SLC9A9: variants seen among roughly 807,000 people sequenced by gnomAD.
SLC9A9 encodes the protein solute carrier family 9 member A9, also known as sodium/hydrogen exchanger 9.
In SLC9A9, 62 loss-of-function variants were observed where a neutral mutation model predicts 77.8. That is an observed-to-expected ratio of 0.80 (90% CI 0.65 to 0.98). The LOEUF is 0.98. SLC9A9 is among the 50% of genes least tolerant of loss of function. The pLI is 0.00. For missense variants in SLC9A9, 775 were observed against 774.9 expected, an observed-to-expected ratio of 1.00 and a Z score of 0.00; for synonymous variants, 320 against 283.5, an observed-to-expected ratio of 1.13 and a Z score of -1.29.
intron 2 of SLC9A9, among the ~76,000 whole-genome samples, chr3:143,819,559 T>A (rs2009115240): frequency 6.6e-6 from 1 of 152,146 alleles, no homozygotes; most frequent in Non-Finnish European, 1.5e-5. Flanking sequence ...GGGTCATATT[T>A]GTTTGTCTTA....
At chr3:143,588,710 A>C (rs1376990578) in intron 6 of SLC9A9, among the ~76,000 whole-genome samples, 1 of 152,220 alleles carries the variant, frequency 6.6e-6, no homozygotes, top group Non-Finnish European at 1.5e-5. Context: ...ATTGAGAGGA[A>C]AGTGAATTTG....
In SLC9A9 at chr3:143,785,845, CTTTTTTTTTTT is replaced by C. The variant is rs57552730; in HGVS notation, c.533+9145_533+9155del. Among the ~76,000 whole-genome samples, 10 of 113,006 alleles carry C rather than the reference CTTTTTTTTTTT, an allele frequency of 8.8e-5. 1 individual carries two copies. The highest frequency in any genetic ancestry group is 8.1e-4 in the South Asian group (3 of 3,704). The allele number at this position is 113,006 out of a possible 152,430, so 74.1% of individuals were successfully genotyped here. ...GAGTAATTCTAAGACTTGAATTTTTCTTTTTTTTTTTTTTTTTTTTTTTTTTTTTGAGACGG... is the reference window on the plus strand; with the variant it reads ...GAGTAATTCTAAGACTTGAATTTTTCTTTTTTTTTTTTTTTTTTGAGACGG... On this transcript the variant is annotated intron_variant, in intron 4 of 15. Transcript: ENST00000316549.
intron 13 of SLC9A9, among the ~76,000 whole-genome samples, chr3:143,381,603 T>A (rs577236319): frequency 1.3e-5 from 2 of 152,222 alleles, no homozygotes; most frequent in Non-Finnish European, 2.9e-5. Context: ...TGTTGCTCAA[T>A]TAAGTCAAAG....
chr3:143,359,869 C>G (rs1222855195), intron 14 of SLC9A9, among the ~76,000 whole-genome samples: 1 of 152,122 alleles, frequency 6.6e-6, no homozygotes, highest in South Asian at 2.1e-4. Flanking sequence ...GTCGGGGATT[C>G]CTTCATGGTG....
chr3:143,774,869 C>T (rs949703510), intron 4 of SLC9A9, among the ~76,000 whole-genome samples: 1 of 152,176 alleles, frequency 6.6e-6, no homozygotes. Context: ...CTGTCTGCTT[C>T]GCCTCAACTG....
At chr3:143,489,087 C>A (rs1447508226) in intron 11 of SLC9A9, among the ~76,000 whole-genome samples, 3 of 151,860 alleles carry the variant, frequency 2.0e-5, no homozygotes, top group Non-Finnish European at 4.4e-5. Context: ...TTTTTATACA[C>A]TCACAGTGAA....
intron 14 of SLC9A9, among the ~76,000 whole-genome samples, chr3:143,319,352 G>A (rs1247325452): frequency 1.3e-5 from 2 of 152,186 alleles, no homozygotes; most frequent in African/African-American, 2.4e-5. Context: ...GCTGCCTCAT[G>A]TTTTCTATCT....
At chr3:143,375,546 A>C (rs1160326163) in intron 13 of SLC9A9, among the ~76,000 whole-genome samples, 1 of 152,204 alleles carries the variant, frequency 6.6e-6, no homozygotes, top group East Asian at 1.9e-4. Flanking sequence ...CCCTGGTCCC[A>C]GATGAGATGA....
At chr3:143,278,741 G>A (rs1938126382) in intron 14 of SLC9A9, among the ~76,000 whole-genome samples, 1 of 152,176 alleles carries the variant, frequency 6.6e-6, no homozygotes, top group Admixed American at 6.5e-5. Flanking sequence ...TGCAAATAAG[G>A]TTGCATTTGA....
intron 12 of SLC9A9, among the ~76,000 whole-genome samples, chr3:143,407,462 C>G (rs1399985769): frequency 1.3e-5 from 2 of 152,090 alleles, no homozygotes; most frequent in Non-Finnish European, 2.9e-5. Context: ...GGAAATATGC[C>G]ATTCTTATCC....
chr3:143,653,157 G>A (rs544252098), intron 5 of SLC9A9, among the ~76,000 whole-genome samples: 9 of 152,302 alleles, frequency 5.9e-5, no homozygotes, highest in East Asian at 1.9e-4. Context: ...ACACTCACCC[G>A]TGAAGATGGA....
chr3:143,430,068 GAAT>G (rs1307636214), intron 12 of SLC9A9, among the ~76,000 whole-genome samples: 1 of 152,200 alleles, frequency 6.6e-6, no homozygotes, highest in Non-Finnish European at 1.5e-5. Flanking sequence ...ACAGCTATTA[GAAT>G]AAGAATGCAT....
intron 14 of SLC9A9, among the ~76,000 whole-genome samples, chr3:143,312,130 C>T (rs2031039436): frequency 6.6e-6 from 1 of 152,190 alleles, no homozygotes. Flanking sequence ...CAGTTGCCCT[C>T]TCACACTGTC....
intron 12 of SLC9A9, among the ~76,000 whole-genome samples, chr3:143,451,165 A>T (rs980842927): frequency 6.9e-5 from 10 of 144,556 alleles, no homozygotes; most frequent in African/African-American, 1.3e-4. Flanking sequence ...GAGTGTTATT[A>T]AAAAAAAAAA....
chr3:143,526,965 G>A (rs1309123358), intron 9 of SLC9A9, among the ~76,000 whole-genome samples: 3 of 152,236 alleles, frequency 2.0e-5, no homozygotes, highest in South Asian at 2.1e-4. Flanking sequence ...TGTGACATTC[G>A]TTTAAAGCCG....
intron 4 of SLC9A9, 62 bp downstream of exon 4, chr3:143,794,939 A>T: frequency 1.4e-6 from 2 of 1,393,330 alleles, no homozygotes; most frequent in Middle Eastern, 1.8e-4. Flanking sequence ...GAAGTGTTAG[A>T]TCCCTCACAC....
intron 6 of SLC9A9, among the ~76,000 whole-genome samples, chr3:143,604,125 G>C (rs569240483): frequency 6.6e-6 from 1 of 152,068 alleles, no homozygotes; most frequent in African/African-American, 2.4e-5. Context: ...ATAAAATTTA[G>C]TTCTAAATTA....
At chr3:143,707,996 C>A (rs905162986) in intron 4 of SLC9A9, among the ~76,000 whole-genome samples, 1 of 152,158 alleles carries the variant, frequency 6.6e-6, no homozygotes, top group African/African-American at 2.4e-5. Flanking sequence ...GTTTCTGCTG[C>A]TATAGCAACC....
rs1305993160 is a variant in SLC9A9 at position 143,656,788 on chromosome 3, A to G, written c.650-4428T>C. Among the ~76,000 whole-genome samples, 3 of 152,348 alleles carry G rather than the reference A, an allele frequency of 2.0e-5. No individual in the cohort carries two copies. The East Asian group carries it at 5.8e-4, about 29-fold the overall frequency. ...AAATCACTATGTATGACACTTGTCCATGACACACAGAGAATCAAAAACATC... is the reference window on the plus strand; with the variant it reads ...AAATCACTATGTATGACACTTGTCCGTGACACACAGAGAATCAAAAACATC... On this transcript the variant is annotated intron_variant, in intron 5 of 15. Transcript: ENST00000316549.
Sources: allele counts gnomAD v4.1 joint callset (sites outside exome capture counted in the v4.1 genomes callset), GRCh38; gene constraint gnomAD v4.1.1; transcripts MANE v1.5; gene names NCBI Gene and HGNC (gene_info 2026-07-23, HGNC 2026-07-21).